MCF2L2: variants seen among roughly 807,000 people sequenced by gnomAD.
MCF2L2 encodes the protein probable guanine nucleotide exchange factor MCF2L2.
In MCF2L2, 102 loss-of-function variants were observed where a neutral mutation model predicts 150.2. The ratio of observed to expected loss-of-function variants is 0.68; its 90% confidence interval spans 0.58 to 0.80. MCF2L2 has a LOEUF of 0.80. Ranked by LOEUF, MCF2L2 falls within the 30% of genes least tolerant of loss-of-function variation. The pLI, the probability that MCF2L2 is intolerant of heterozygous loss-of-function variation, is 0.00. For synonymous variants in MCF2L2, 465 were observed against 491.3 expected (o/e 0.95, Z 0.71); for missense variants, 1,256 against 1,372.8 (o/e 0.91, Z 1.34).
intron 20 of MCF2L2, among the ~76,000 whole-genome samples, chr3:183,222,281 A>C (rs1038911038): frequency 6.6e-6 from 1 of 152,138 alleles, no homozygotes; most frequent in Non-Finnish European, 1.5e-5. Context: ...GTGGAGATTA[A>C]ATAAGAAATA....
intron 8 of MCF2L2, 41 bp downstream of exon 8, chr3:183,311,607 T>C (rs756434944): frequency 2.5e-6 from 4 of 1,611,896 alleles, no homozygotes; most frequent in Non-Finnish European, 3.4e-6. Context: ...TAGGTCTACA[T>C]ATTCTCTCCT....
intron 27 of MCF2L2, among the ~76,000 whole-genome samples, chr3:183,188,643 C>G (rs1576907484): frequency 1.3e-5 from 2 of 152,192 alleles, no homozygotes; most frequent in Admixed American, 6.5e-5. Flanking sequence ...ATGGCTGATT[C>G]TCTTTTGCCA....
At chr3:183,395,277 A>G (rs1339651574) in intron 1 of MCF2L2, among the ~76,000 whole-genome samples, 12 of 152,224 alleles carry the variant, frequency 7.9e-5, no homozygotes, top group Admixed American at 7.9e-4. Flanking sequence ...CATTCACCGA[A>G]AAAGATTTAA....
intron 10 of MCF2L2, among the ~76,000 whole-genome samples, chr3:183,308,456 T>C (rs1395299279): frequency 2.6e-5 from 4 of 152,220 alleles, no homozygotes; most frequent in Non-Finnish European, 5.9e-5. Flanking sequence ...AACTTTTCCA[T>C]TGTTTGATAA....
At chr3:183,271,013 C>A (rs1726726260) in intron 15 of MCF2L2, 1 of 1,335,626 alleles carries the variant, frequency 7.5e-7, no homozygotes, top group Non-Finnish European at 1.0e-6. Context: ...TTCGTCTATA[C>A]CCTAAGTAAA....
intron 5 of MCF2L2, 67 bp downstream of exon 5, chr3:183,338,733 C>T (rs1412714675): frequency 1.3e-6 from 2 of 1,499,482 alleles, no homozygotes; most frequent in Admixed American, 1.9e-5. Flanking sequence ...TGCCCAGAAA[C>T]CCTGCCCAAA....
At chr3:183,405,861 G>A (rs866345448) in intron 1 of MCF2L2, among the ~76,000 whole-genome samples, 11 of 152,218 alleles carry the variant, frequency 7.2e-5, no homozygotes, top group South Asian at 4.2e-4. Context: ...GGTTATAGGC[G>A]CAAGCCACCA....
chr3:183,391,468 A>AGAC (rs1714145228), intron 1 of MCF2L2, among the ~76,000 whole-genome samples: 1 of 152,146 alleles, frequency 6.6e-6, no homozygotes, highest in Non-Finnish European at 1.5e-5. Flanking sequence ...GGGTGTAATA[A>AGAC]CGGCATGGTA....
chr3:183,354,165 T>C (rs985269694), intron 3 of MCF2L2, among the ~76,000 whole-genome samples: 1 of 152,218 alleles, frequency 6.6e-6, no homozygotes, highest in Non-Finnish European at 1.5e-5. Context: ...AGATTCTTTA[T>C]AGCAATAAGA....
At chr3:183,285,365 A>G (rs77455360) in intron 14 of MCF2L2, among the ~76,000 whole-genome samples, 3,020 of 152,368 alleles carry the variant, frequency 0.02, 60 homozygotes, top group East Asian at 0.052. Context: ...AGTATTAATA[A>G]ATAATCAGAT....
At chr3:183,292,731 G>C (rs1728234918) in intron 13 of MCF2L2, among the ~76,000 whole-genome samples, 7 of 152,146 alleles carry the variant, frequency 4.6e-5, no homozygotes, top group Admixed American at 4.6e-4. Context: ...GGGAGCATAT[G>C]GAAGTATGAC....
chr3:183,276,788 G>C (rs890455442), intron 15 of MCF2L2, 84 bp downstream of exon 15: 3 of 843,916 alleles, frequency 3.6e-6, no homozygotes, highest in Non-Finnish European at 5.8e-6. Context: ...GGGAAAGACA[G>C]GTGCTGAGGT....
At chr3:183,252,455 G>A (rs1346780937) in intron 15 of MCF2L2, among the ~76,000 whole-genome samples, 1 of 152,190 alleles carries the variant, frequency 6.6e-6, no homozygotes, top group Admixed American at 6.5e-5. Context: ...CCAGCTTAAG[G>A]AAAGCAATTT....
intron 2 of MCF2L2, among the ~76,000 whole-genome samples, chr3:183,384,083 A>G (rs1225617971): frequency 1.3e-5 from 2 of 152,256 alleles, no homozygotes; most frequent in Non-Finnish European, 2.9e-5. Flanking sequence ...TCTGCTGACC[A>G]GGAACATACA....
Position 183,179,197 on chromosome 3 carries a change from G to C in MCF2L2, c.*183C>G. ...GAGCAGCTCCGAGGTCCCCCGTGCG[G>C]AGCTAGGCGCGCACCCAGGACACCC... On this transcript the variant is annotated 3_prime_UTR_variant, in exon 30 of 30. Coordinates refer to ENST00000328913, the MANE Select transcript of MCF2L2 (RefSeq NM_015078.4). The surrounding 1 kb of genome is among the most constrained non-coding windows in gnomAD (Gnocchi z 4.2). 1 of 793,150 alleles carries C rather than the reference G, an allele frequency of 1.3e-6. No homozygotes were observed. Among genetic ancestry groups the C allele is most frequent in the South Asian group, 3.2e-5 (1 of 30,968 alleles). The allele number at this position is 793,150 out of a possible 1,614,324, so 49.1% of individuals were successfully genotyped here. A position where few individuals can be genotyped will look rare whatever the true frequency, so the allele number is the denominator to read the frequency against.
rs41319644 is a variant in MCF2L2, at chr3:183,178,339, G to A, written c.*1041C>T. 0.16 allele frequency: 24,391 copies of A among 152,110 alleles called. 2,230 individuals are homozygous for A. The highest frequency in any genetic ancestry group is 0.3 in the East Asian group (1,529 of 5,160). The allele number at this position is 152,110 out of a possible 1,614,324, so 9.4% of individuals were successfully genotyped here. On this transcript the variant is annotated 3_prime_UTR_variant, in exon 30 of 30. Coordinates refer to ENST00000328913, the MANE Select transcript of MCF2L2 (RefSeq NM_015078.4). ...TAAAAAATTAGCCGGGCGTGGTGGCGGGCGCCTGTAGTCCCAGCTACTCAG... is the reference window on the plus strand; with the variant it reads ...TAAAAAATTAGCCGGGCGTGGTGGCAGGCGCCTGTAGTCCCAGCTACTCAG...
intron 3 of MCF2L2, among the ~76,000 whole-genome samples, chr3:183,343,047 AT>A (rs1730763720): frequency 6.6e-6 from 1 of 152,198 alleles, no homozygotes; most frequent in Non-Finnish European, 1.5e-5. Context: ...AAATAAGGAC[AT>A]TTCCAGACAA....
At chr3:183,425,155 C>G (rs1716095647) in intron 1 of MCF2L2, among the ~76,000 whole-genome samples, 1 of 151,966 alleles carries the variant, frequency 6.6e-6, no homozygotes, top group African/African-American at 2.4e-5. Context: ...AGGCAGGCAG[C>G]AGTGGGGATG....
intron 16 of MCF2L2, among the ~76,000 whole-genome samples, chr3:183,230,010 G>A (rs944772809): frequency 6.6e-6 from 1 of 152,064 alleles, no homozygotes; most frequent in Non-Finnish European, 1.5e-5. Context: ...ATTTTTGTGG[G>A]AAGAACAAAT....
Sources: allele counts gnomAD v4.1 joint callset (sites outside exome capture counted in the v4.1 genomes callset), GRCh38; gene constraint gnomAD v4.1.1; non-coding constraint Gnocchi (gnomAD v3.1); transcripts MANE v1.5; gene names NCBI Gene and HGNC (gene_info 2026-07-23, HGNC 2026-07-21).